Variants in PTCH1 observed in about 807,000 individuals in gnomAD.
The protein encoded by PTCH1 is protein patched homolog 1.
Under a neutral mutation model 144.6 loss-of-function variants are expected in PTCH1, and 14 were observed. The ratio of observed to expected loss-of-function variants is 0.10; its 90% CI spans 0.06 to 0.15. The LOEUF is 0.15. Among genes scored for constraint, PTCH1 ranks in the 10% least tolerant of loss-of-function variants. The pLI, the probability that PTCH1 is intolerant of heterozygous loss-of-function variation, is 1.00. For synonymous variants in PTCH1, 833 were observed against 793.6 expected (o/e 1.05, Z -0.83); for missense variants, 1,623 against 1,948.3 (o/e 0.83, Z 3.14).
chr9:95,468,007 A>C (rs576334916), intron 14 of PTCH1, among the ~76,000 whole-genome samples: 12 of 152,210 alleles, frequency 7.9e-5, no homozygotes, highest in Non-Finnish European at 1.6e-4. Flanking sequence ...CCTGGGCTCA[A>C]ATGATCCTCC....
intron 16 of PTCH1, among the ~76,000 whole-genome samples, chr9:95,461,578 C>CT (rs1409978914): frequency 6.6e-6 from 1 of 152,238 alleles, no homozygotes; most frequent in Non-Finnish European, 1.5e-5. Context: ...AGCCTGCACT[C>CT]TCTTGGCTGC....
At position 95,478,094 on chromosome 9, in the gene PTCH1, G is replaced by T. The variant is rs148471237; in HGVS notation, c.1308C>A (p.Asp436Glu). 3.1e-6 allele frequency: 5 copies of T among 1,614,174 alleles called. No individual in the cohort carries two copies. The African/African-American group carries it at 4.0e-5, about 13-fold the overall frequency. Residue 436 changes from aspartate to glutamate, a missense_variant, in exon 9 of 24, where the codon GAC (aspartate) becomes GAA (glutamate). By Grantham distance (45) the Asp-to-Glu change is conservative. Around this residue, in one of 7 missense-constraint regions of PTCH1, gnomAD observed 230 missense variants for 271.0 expected, o/e 0.85. Transcript: ENST00000331920. ...CGCTGGCCACGCGGATGACACTGAC[G>T]TCAGAGAAGGATTTCAGGATGTCGT... ...TLDDILKSFS[D>E]VSVIRVASGY...
At chr9:95,512,201 C>T (rs1844191610), upstream of PTCH1, among the ~76,000 whole-genome samples, 1 of 152,214 alleles carries the variant, frequency 6.6e-6, no homozygotes, top group Non-Finnish European at 1.5e-5. Context: ...TGACTTAATT[C>T]CTAAACGTTT....
intron 2 of PTCH1, among the ~76,000 whole-genome samples, chr9:95,492,885 G>A (rs770263503): frequency 6.6e-6 from 1 of 152,086 alleles, no homozygotes; most frequent in Non-Finnish European, 1.5e-5. Context: ...GGTCCCCAGA[G>A]AGTCCTGTCT....
intron 15 of PTCH1, 97 bp downstream of exon 15, chr9:95,467,019 C>T (rs1840060849): frequency 1.5e-6 from 2 of 1,338,352 alleles, no homozygotes; most frequent in Non-Finnish European, 2.1e-6. Flanking sequence ...GTCAGTGTTA[C>T]ATTCTAATCT....
intron 12 of PTCH1, 48 bp from the exon 13 acceptor site, chr9:95,469,979 A>G: frequency 7.8e-6 from 10 of 1,286,906 alleles, no homozygotes; most frequent in Admixed American, 3.4e-5. Flanking sequence ...CCTCCGCCCA[A>G]TCAGAGGACT....
At chr9:95,477,867 T>A (rs552216289) in intron 9 of PTCH1, among the ~76,000 whole-genome samples, 165 bp from the exon 10 acceptor site, 1 of 152,194 alleles carries the variant, frequency 6.6e-6, no homozygotes, top group South Asian at 2.1e-4. Context: ...GAGTCAAAGG[T>A]AGGCAAACGG....
chr9:95,447,359 G>A lies in PTCH1; in HGVS notation c.3897C>T (p.Gly1299=), dbSNP rs2136582679. Residue 1299 remains glycine (G), a synonymous_variant, in exon 23 of 24, where the codon GGC becomes GGT. Coordinates refer to ENST00000331920, the MANE Select transcript of PTCH1 (RefSeq NM_000264.5). ...DSGSLPPGRQ[G]QQPRRDPPRE... ...TGGGGGGGTCCCTGCGGGGCTGCTG[G>A]CCTTGCCGTCCGGGAGGCAGGGACC... 1.9e-6 allele frequency: 3 copies of A among 1,613,476 alleles called. No homozygotes were observed. Among genetic ancestry groups the A allele is most frequent in the East Asian group, 2.2e-5 (1 of 44,874 alleles).
At chr9:95,485,260 A>G (rs903623388) in intron 3 of PTCH1, among the ~76,000 whole-genome samples, 13 of 152,188 alleles carry the variant, frequency 8.5e-5, no homozygotes, top group East Asian at 5.8e-4. Context: ...TCAGCCCCCA[A>G]CGTGCTGTGT....
Position 95,485,883 on chromosome 9 carries a change from T to C in PTCH1, c.395-9A>G, listed in dbSNP as rs781395697. ...ACTTACTCGTCCTCCAACTGACAAATATGTACAGGTTTAATTAGAATAGCA... is the reference window on the plus strand; with the variant it reads ...ACTTACTCGTCCTCCAACTGACAAACATGTACAGGTTTAATTAGAATAGCA... On this transcript the variant is annotated splice_polypyrimidine_tract_variant and intron_variant, in intron 2 of 23. Coordinates refer to ENST00000331920, the MANE Select transcript of PTCH1 (RefSeq NM_000264.5). 1.2e-6 allele frequency: 2 copies of C among 1,614,118 alleles called. No individual in the cohort carries two copies. Among genetic ancestry groups the C allele is most frequent in the South Asian group, 1.1e-5 (1 of 91,076 alleles).
chr9:95,459,578 C>A, intron 17 of PTCH1, 22 bp downstream of exon 17: 3 of 1,612,450 alleles, frequency 1.9e-6, no homozygotes, highest in Non-Finnish European at 2.5e-6. Flanking sequence ...GTTCCCAGAC[C>A]TCCCGATAAA....
At chr9:95,494,444 G>A (rs1427104228) in intron 2 of PTCH1, 4 of 985,368 alleles carry the variant, frequency 4.1e-6, no homozygotes, top group African/African-American at 1.7e-5. Context: ...TGTGCACCGC[G>A]CCACCTGAGA....
intron 2 of PTCH1, chr9:95,494,181 C>T: frequency 6.1e-6 from 6 of 984,238 alleles, no homozygotes; most frequent in Non-Finnish European, 7.2e-6. Context: ...AGCTTCCCCG[C>T]CCCCACCAGC....
At chr9:95,486,932 T>C (rs1445107626) in intron 2 of PTCH1, among the ~76,000 whole-genome samples, 1 of 152,172 alleles carries the variant, frequency 6.6e-6, no homozygotes, top group African/African-American at 2.4e-5. Context: ...CCTAAAGTCA[T>C]TGATAAGTTG....
chr9:95,497,516 C>G (rs1842868565), intron 2 of PTCH1, among the ~76,000 whole-genome samples: 1 of 152,218 alleles, frequency 6.6e-6, no homozygotes, highest in Non-Finnish European at 1.5e-5. Flanking sequence ...GGTGCACCCA[C>G]CCGGGAGGGC....
intron 2 of PTCH1, among the ~76,000 whole-genome samples, chr9:95,486,890 G>A (rs1009049848): frequency 6.6e-6 from 1 of 152,206 alleles, no homozygotes; most frequent in African/African-American, 2.4e-5. Context: ...CCACTCCACA[G>A]TCTAGGGCAA....
chr9:95,464,705 AAGAC>A (rs1184638243), intron 15 of PTCH1, among the ~76,000 whole-genome samples: 1 of 152,218 alleles, frequency 6.6e-6, no homozygotes, highest in Non-Finnish European at 1.5e-5. Flanking sequence ...AAAAAAATCA[AAGAC>A]AAACTATTGT....
rs2136601481 is a variant in PTCH1 at position 95,449,261 on chromosome 9, C to G, written c.3612G>C (p.Val1204=). The change falls in exon 22 of 24, where the codon GTG becomes GTC. Residue 1204 remains valine (V), a synonymous_variant. Coordinates refer to ENST00000331920, the MANE Select transcript of PTCH1 (RefSeq NM_000264.5). This position sits in a 1 kb window ranked among gnomAD's most constrained non-coding sequence, Gnocchi z 5.3. ...GGCCGGGCGGCATGGCGAAGCGGAC[C>G]ACGCTGGGGGGTGGCTCAGGGGAGG... ...PTPSPEPPPS[V]VRFAMPPGHT... 6.4e-7 allele frequency: 1 copy of G among 1,567,018 alleles called. No individual in the cohort carries two copies. The highest frequency in any genetic ancestry group is 8.7e-7 in the Non-Finnish European group (1 of 1,155,626).
At position 95,445,509 on chromosome 9, in the gene PTCH1, C is replaced by T. The variant is rs1238259190; in HGVS notation, c.*884G>A. 1 of 152,190 alleles carries T rather than the reference C, an allele frequency of 6.6e-6. No individual in the cohort carries two copies. Among genetic ancestry groups the T allele is most frequent in the Non-Finnish European group, 1.5e-5 (1 of 68,084 alleles). The allele number at this position is 152,190 out of a possible 1,614,324, so 9.4% of individuals were successfully genotyped here. A position where few individuals can be genotyped will look rare whatever the true frequency, so the allele number is the denominator to read the frequency against. ...ATGATCCGAGAGAAGGAGATTATCC[C>T]CCTGAAGCACAAATTGGGGTCCTGG... On this transcript the variant is annotated 3_prime_UTR_variant, in exon 24 of 24. Coordinates refer to ENST00000331920, the MANE Select transcript of PTCH1 (RefSeq NM_000264.5).
Sources: allele counts gnomAD v4.1 joint callset (sites outside exome capture counted in the v4.1 genomes callset), GRCh38; gene constraint gnomAD v4.1.1; regional missense constraint gnomAD v4.1.1; non-coding constraint Gnocchi (gnomAD v3.1); transcripts MANE v1.5; gene names NCBI Gene and HGNC (gene_info 2026-07-23, HGNC 2026-07-21).